SOAT1: variants seen among roughly 807,000 people sequenced by gnomAD.
The protein encoded by SOAT1 is acyl-coenzyme A:cholesterol acyltransferase 1.
Under a neutral mutation model 69.5 loss-of-function variants are expected in SOAT1, and 55 were observed. The observed-to-expected ratio is 0.79, with a 90% CI of 0.64 to 0.99. The LOEUF is 0.99. SOAT1 is among the 50% of genes least tolerant of loss of function. SOAT1 has a pLI of 0.00. For synonymous variants in SOAT1, 231 were observed against 224.7 expected, an observed-to-expected ratio of 1.03 and a Z score of -0.25; for missense variants, 580 against 669.3, an observed-to-expected ratio of 0.87 and a Z score of 1.47.
chr1:179,297,650 G>A (rs1664696030), intron 1 of SOAT1, among the ~76,000 whole-genome samples: 1 of 149,102 alleles, frequency 6.7e-6, no homozygotes, highest in African/African-American at 2.5e-5. Context: ...ACAGTGGAAG[G>A]CCAAAGTAAT....
chr1:179,331,253 G>T (rs960274965), intron 3 of SOAT1, among the ~76,000 whole-genome samples: 1 of 152,160 alleles, frequency 6.6e-6, no homozygotes, highest in Non-Finnish European at 1.5e-5. Flanking sequence ...AGGTAGACAG[G>T]TACCTGTCCT....
chr1:179,345,887 A>G (rs1242594747), intron 11 of SOAT1, among the ~76,000 whole-genome samples: 2 of 150,356 alleles, frequency 1.3e-5, no homozygotes, highest in East Asian at 3.9e-4. Context: ...TGTCTTTCCG[A>G]CCATACCTTG....
intron 11 of SOAT1, among the ~76,000 whole-genome samples, chr1:179,345,758 C>T (rs1394322732): frequency 1.3e-5 from 2 of 152,024 alleles, no homozygotes; most frequent in African/African-American, 4.8e-5. Context: ...CTATGTTGCC[C>T]AGGCCATTCT....
intron 3 of SOAT1, among the ~76,000 whole-genome samples, chr1:179,325,147 A>AAT: frequency 1.0e-5 from 1 of 96,840 alleles, no homozygotes; most frequent in Non-Finnish European, 2.0e-5. Context: ...TTAGTGACTA[A>AAT]TTTTTTTTTT....
intron 4 of SOAT1, among the ~76,000 whole-genome samples, chr1:179,337,618 A>C (rs568434288): frequency 1.3e-5 from 2 of 152,190 alleles, no homozygotes; most frequent in Non-Finnish European, 2.9e-5. Flanking sequence ...TACCTGCCTC[A>C]CAGAGAGGGT....
At chr1:179,348,606 A>G (rs1156623871) in intron 12 of SOAT1, among the ~76,000 whole-genome samples, 1 of 152,198 alleles carries the variant, frequency 6.6e-6, no homozygotes, top group Non-Finnish European at 1.5e-5. Context: ...CATATATAGT[A>G]TGAGAATTCA....
At chr1:179,308,264 C>T (rs1027661104) in intron 2 of SOAT1, among the ~76,000 whole-genome samples, 1 of 152,084 alleles carries the variant, frequency 6.6e-6, no homozygotes, top group African/African-American at 2.4e-5. Flanking sequence ...GATGTTGTAA[C>T]AATTTAGTGG....
intron 2 of SOAT1, among the ~76,000 whole-genome samples, chr1:179,321,186 A>G (rs1410026262): frequency 2.6e-5 from 4 of 152,036 alleles, no homozygotes; most frequent in South Asian, 2.1e-4. Flanking sequence ...GATTACACAC[A>G]TGAGCCACCA....
In SOAT1 at chr1:179,311,673, C is replaced by G. The variant is rs373362629; in HGVS notation, c.118+8871C>G. The stretch of plus-strand genomic sequence containing the variant: ...AATTCACTTGAAAATTTATTCTCAA[C>G]CTAAGTAATAAATTGTTAAATCATA... On this transcript the variant is annotated intron_variant, in intron 2 of 15. Transcript: ENST00000367619. 7.2e-5 allele frequency among the ~76,000 whole-genome samples: 11 copies of G among 152,118 alleles called. No individual in the cohort carries two copies. The East Asian group carries it at 1.7e-3, about 24-fold the overall frequency.
chr1:179,321,149 G>A (rs371463069), intron 2 of SOAT1, among the ~76,000 whole-genome samples: 60 of 151,852 alleles, frequency 4.0e-4, no homozygotes, highest in African/African-American at 1.4e-3. Context: ...CAGGTGATCC[G>A]CCTGCCTCGG....
At chr1:179,307,792 C>CT (rs374097712) in intron 2 of SOAT1, among the ~76,000 whole-genome samples, 372 of 140,402 alleles carry the variant, frequency 2.6e-3, no homozygotes, top group Middle Eastern at 7.2e-3. Flanking sequence ...AAGGTATTAT[C>CT]TTTTTTTTTT....
At chr1:179,348,666 AC>A (rs1212153362) in intron 12 of SOAT1, among the ~76,000 whole-genome samples, 177 bp from the exon 13 acceptor site, 2 of 152,012 alleles carry the variant, frequency 1.3e-5, no homozygotes, top group African/African-American at 4.8e-5. Context: ...TTTTTCTGTC[AC>A]CAGTGTATGA....
chr1:179,323,743 G>T (rs1207976523), intron 3 of SOAT1, among the ~76,000 whole-genome samples: 1 of 152,102 alleles, frequency 6.6e-6, no homozygotes, highest in African/African-American at 2.4e-5. Context: ...TGGTTTTAGT[G>T]ACCCACGTTA....
chr1:179,314,416 G>A (rs1409397762), intron 2 of SOAT1, among the ~76,000 whole-genome samples: 2 of 152,150 alleles, frequency 1.3e-5, no homozygotes, highest in Middle Eastern at 3.2e-3. Context: ...GATTGTTAGG[G>A]AGAACCCTGT....
intron 2 of SOAT1, among the ~76,000 whole-genome samples, chr1:179,319,210 T>C (rs1179736859): frequency 6.6e-6 from 1 of 152,064 alleles, no homozygotes; most frequent in African/African-American, 2.4e-5. Context: ...TTGAGTGTCT[T>C]TTTGTGTGGT....
chr1:179,348,687 T>C (rs989119648), intron 12 of SOAT1, among the ~76,000 whole-genome samples, 157 bp from the exon 13 acceptor site: 19 of 152,172 alleles, frequency 1.2e-4, no homozygotes, highest in African/African-American at 4.6e-4. Context: ...AACCAACAGT[T>C]TATCACAGTA....
At chr1:179,297,450 T>C (rs779687074) in intron 1 of SOAT1, among the ~76,000 whole-genome samples, 33 of 152,056 alleles carry the variant, frequency 2.2e-4, no homozygotes, top group Admixed American at 5.2e-4. Flanking sequence ...AATTCTCTGC[T>C]TCGGCCTCCC....
Position 179,349,569 on chromosome 1 carries a change from C to T in SOAT1, c.1314+627C>T, listed in dbSNP as rs538671866. On this transcript the variant is annotated intron_variant, in intron 13 of 15. Transcript: ENST00000367619. The stretch of plus-strand genomic sequence containing the variant: ...CTTGAACTCCCGACCTTAGGTGATC[C>T]GCCCGCCTCAGCCTCCCAAAGTGCT... Among the ~76,000 whole-genome samples, 6 of 152,148 alleles carry T rather than the reference C, an allele frequency of 3.9e-5. No homozygotes were observed. In the East Asian group the frequency reaches 7.7e-4, roughly 20 times the overall value.
intron 15 of SOAT1, among the ~76,000 whole-genome samples, chr1:179,351,787 T>C (rs562155497): frequency 8.4e-5 from 12 of 142,372 alleles, no homozygotes; most frequent in Middle Eastern, 3.8e-3. Context: ...TGGTGCAATC[T>C]CAGCTCACTG....
Sources: allele counts gnomAD v4.1 joint callset (sites outside exome capture counted in the v4.1 genomes callset), GRCh38; gene constraint gnomAD v4.1.1; transcripts MANE v1.5; gene names NCBI Gene and HGNC (gene_info 2026-07-23, HGNC 2026-07-21).